The following ZFHX3 variants were observed in gnomAD, a reference collection of about 807,000 sequenced individuals.
ZFHX3 encodes zinc finger homeobox 3, also known as zinc finger homeobox protein 3.
In ZFHX3, 42 loss-of-function variants were observed where a neutral mutation model predicts 279.1. The observed-to-expected ratio is 0.15, with a 90% CI of 0.12 to 0.19. The LOEUF is 0.19. Ranked by LOEUF, ZFHX3 falls within the 10% of genes least tolerant of loss-of-function variation. The pLI is 1.00. For missense variants in ZFHX3, 4,981 were observed against 4,754.0 expected, an observed-to-expected ratio of 1.05 and a Z score of -1.40; for synonymous variants, 2,293 against 1,957.8, an observed-to-expected ratio of 1.17 and a Z score of -4.52.
rs771041841 is a variant in ZFHX3, at chr16:73,373,516, C to T, written c.-1290-55180G>A. 4.9e-4 allele frequency among the ~76,000 whole-genome samples: 75 copies of T among 152,292 alleles called. 1 individual carries two copies. The highest frequency in any genetic ancestry group is 1.7e-3 in the African/African-American group (70 of 41,564). ...AGCAGATCAGGATGTGGAAACTCCC[C>T]GGGGATCCTGTCCCCTTCCAGTTCA... On this transcript the variant is annotated intron_variant, in intron 3 of 17. Transcript: ENST00000641206.
At chr16:73,310,052 G>A (rs1471523180) in intron 4 of ZFHX3, among the ~76,000 whole-genome samples, 3 of 151,856 alleles carry the variant, frequency 2.0e-5, no homozygotes, top group South Asian at 2.1e-4. Flanking sequence ...GGGATTACAG[G>A]TGCCCACCAC....
chr16:73,127,405 G>A (rs924688486), intron 7 of ZFHX3: 12 of 1,305,338 alleles, frequency 9.2e-6, no homozygotes, highest in Admixed American at 4.6e-5. Context: ...TGGGGCCAGA[G>A]CCTTCCCAGG....
At position 72,793,178 on chromosome 16, in the gene ZFHX3, T is replaced by G; in HGVS notation, c.9427+77A>C. 1 of 1,523,770 alleles carries G rather than the reference T, an allele frequency of 6.6e-7. No individual in the cohort carries two copies. The highest frequency in any genetic ancestry group is 1.3e-5 in the South Asian group (1 of 75,152). 94.4% of individuals were successfully genotyped at this position (1,523,770 alleles called of 1,614,324 possible). A position where few individuals can be genotyped will look rare whatever the true frequency, so the allele number is the denominator to read the frequency against. ...CCCATCTGCCCAGCACTCAGAGGGT[T>G]TGGGTGGTATCCACATAACAGAATG... On this transcript the variant is annotated intron_variant, in intron 9 of 9. Transcript: ENST00000268489. This position sits in a 1 kb window ranked among gnomAD's most constrained non-coding sequence, Gnocchi z 4.3.
intron 1 of ZFHX3, among the ~76,000 whole-genome samples, chr16:73,850,575 T>C (rs1237058761): frequency 1.3e-5 from 2 of 152,164 alleles, no homozygotes. Flanking sequence ...GAATGTGCTT[T>C]CAGGTGAAGT....
intron 1 of ZFHX3, among the ~76,000 whole-genome samples, chr16:73,850,226 A>C (rs866337933): frequency 1.8e-4 from 27 of 152,230 alleles, no homozygotes; most frequent in Non-Finnish European, 1.0e-4. Context: ...CATCTCCATT[A>C]GTTATTAACC....
chr16:73,698,864 TTTTGTTTGTTTGTTTGTTTG>T (rs3049564), intron 1 of ZFHX3, among the ~76,000 whole-genome samples: 2 of 150,838 alleles, frequency 1.3e-5, no homozygotes, highest in African/African-American at 2.4e-5. Context: ...ACAGTTTTAT[TTTTGTTTGTTTGTTTGTTTG>T]TTTGTTTGTT....
At chr16:73,279,035 A>G (rs2014389534) in intron 4 of ZFHX3, among the ~76,000 whole-genome samples, 1 of 152,224 alleles carries the variant, frequency 6.6e-6, no homozygotes. Context: ...GTTAAATGTA[A>G]TACAACTTCC....
chr16:73,300,968 CTG>C (rs1057248032), intron 4 of ZFHX3, among the ~76,000 whole-genome samples: 1 of 152,222 alleles, frequency 6.6e-6, no homozygotes, highest in Non-Finnish European at 1.5e-5. Flanking sequence ...TTGCTGTGGG[CTG>C]TGTCAGATGG....
rs1298312426 is a variant in ZFHX3, at chr16:73,090,744, C to A, written c.-533+2491G>T. Among the ~76,000 whole-genome samples the A allele has an allele frequency of 4.9e-3, 719 of 148,196 alleles. 6 individuals carry two copies. The highest frequency in any genetic ancestry group is 8.5e-3 in the Non-Finnish European group (570 of 66,940). On this transcript the variant is annotated intron_variant, in intron 8 of 17. Coordinates refer to the ZFHX3 transcript ENST00000641206. ...TCTACAGAAAAAAAAAAAAACAAAA[C>A]AAAAAACATACAAAACATTAGCCAG... is the stretch of plus-strand genomic sequence containing the variant.
chr16:72,948,333 C>T (rs550006983), intron 3 of ZFHX3, among the ~76,000 whole-genome samples: 5 of 152,314 alleles, frequency 3.3e-5, no homozygotes, highest in Middle Eastern at 3.4e-3. Flanking sequence ...TGCATCCCAA[C>T]GCTCAGGACC....
chr16:72,969,711 A>C (rs1200080473), intron 1 of ZFHX3, among the ~76,000 whole-genome samples: 1 of 152,170 alleles, frequency 6.6e-6, no homozygotes, highest in African/African-American at 2.4e-5. Flanking sequence ...CAAAGAAATA[A>C]TACCTGCATC....
rs139950267 is a variant in ZFHX3, at chr16:73,438,603, C to T, written c.-1291+17400G>A. ...AGTTATATTACGCATCTATGCATTG[C>T]CTCTGGATTGTACAAAGTTCAAGAA... On this transcript the variant is annotated intron_variant, in intron 3 of 17. Transcript: ENST00000641206. 5.8e-4 allele frequency among the ~76,000 whole-genome samples: 89 copies of T among 152,260 alleles called. 1 individual carries two copies. The highest frequency in any genetic ancestry group is 3.4e-3 in the Middle Eastern group (1 of 294).
In ZFHX3 at chr16:73,215,684, G is replaced by T. The variant is rs117197440; in HGVS notation, c.-1104+41363C>A. ...TCCACCCCTAGCTTGTCCTCCCCCC[G>T]ATGCTGAATGAATCACTGTTCACAA... is the stretch of plus-strand genomic sequence containing the variant. On this transcript the variant is annotated intron_variant, in intron 5 of 17. Coordinates refer to the ZFHX3 transcript ENST00000641206. Among the ~76,000 whole-genome samples the T allele has an allele frequency of 3.8e-4, 57 of 151,958 alleles. 2 individuals carry two copies. In the East Asian group the frequency reaches 6.4e-3, roughly 17 times the overall value.
At chr16:73,300,131 G>A in intron 4 of ZFHX3, among the ~76,000 whole-genome samples, 1 of 152,066 alleles carries the variant, frequency 6.6e-6, no homozygotes, top group African/African-American at 2.4e-5. Context: ...ATGGTGGTGT[G>A]CACCTGTAGT....
upstream of ZFHX3, among the ~76,000 whole-genome samples, chr16:73,060,088 C>G (rs903705978): frequency 6.6e-6 from 1 of 151,860 alleles, no homozygotes; most frequent in African/African-American, 2.4e-5. Context: ...ATTTTGCCAT[C>G]AAAAGCAGGG....
At position 73,239,810 on chromosome 16, in the gene ZFHX3, T is replaced by C. The variant is rs533651589; in HGVS notation, c.-1104+17237A>G. ...ATCTCAAGATACTATGAGCAATTTC[T>C]AAATTTGGAAATGCACTGATTCTTG... is the stretch of plus-strand genomic sequence containing the variant. On this transcript the variant is annotated intron_variant, in intron 5 of 17. Transcript: ENST00000641206. 1.8e-4 allele frequency among the ~76,000 whole-genome samples: 27 copies of C among 152,332 alleles called. 1 individual carries two copies. The highest frequency in any genetic ancestry group is 1.1e-3 in the Admixed American group (17 of 15,308).
chr16:72,960,467 C>A (rs1961523562), intron 1 of ZFHX3, among the ~76,000 whole-genome samples: 1 of 152,208 alleles, frequency 6.6e-6, no homozygotes, highest in African/African-American at 2.4e-5. Context: ...ATTGTCACCG[C>A]TCTGCCCCTG....
intron 3 of ZFHX3, among the ~76,000 whole-genome samples, chr16:73,319,958 A>G (rs1016706582): frequency 1.3e-5 from 2 of 152,174 alleles, no homozygotes; most frequent in Non-Finnish European, 2.9e-5. Context: ...TAAAATGATG[A>G]GAGTGAACTC....
chr16:73,055,936 T>A (rs2144734529), intron 1 of ZFHX3, among the ~76,000 whole-genome samples: 1 of 152,040 alleles, frequency 6.6e-6, no homozygotes, highest in African/African-American at 2.4e-5. Flanking sequence ...CTGAATCGCC[T>A]CCTCTCTGGA....
Sources: allele counts gnomAD v4.1 joint callset (sites outside exome capture counted in the v4.1 genomes callset), GRCh38; gene constraint gnomAD v4.1.1; non-coding constraint Gnocchi (gnomAD v3.1); transcripts MANE v1.5; gene names NCBI Gene and HGNC (gene_info 2026-07-23, HGNC 2026-07-21).